TMC1: variants seen among roughly 807,000 people sequenced by gnomAD.
The protein encoded by TMC1 is transmembrane channel-like protein 1.
A neutral mutation model predicts 105.8 loss-of-function variants in TMC1; 84 were observed. The ratio of observed to expected loss-of-function variants is 0.79; its 90% CI spans 0.67 to 0.95. The LOEUF (loss-of-function observed/expected upper bound fraction) is 0.95, where lower values mean the gene tolerates loss of function less well. Ranked by LOEUF, TMC1 falls within the 40% of genes least tolerant of loss-of-function variation. The probability of loss-of-function intolerance (pLI) is 0.00; values close to 1 mark genes in which losing one functional copy is unlikely to be tolerated. For synonymous variants in TMC1, 315 were observed against 311.5 expected (o/e 1.01, Z -0.12); for missense variants, 817 against 914.1 (o/e 0.89, Z 1.37).
chr9:72,693,900 TTA>T (rs1331815589), intron 6 of TMC1, among the ~76,000 whole-genome samples: 28 of 152,240 alleles, frequency 1.8e-4, no homozygotes, highest in African/African-American at 6.5e-4. Context: ...TACATTAAAT[TTA>T]TGTTACCTAT....
chr9:72,543,307 A>G (rs1318409109), intron 1 of TMC1, among the ~76,000 whole-genome samples: 5 of 152,150 alleles, frequency 3.3e-5, no homozygotes, highest in African/African-American at 1.2e-4. Context: ...TTTAGTTCCC[A>G]GATCTATCTC....
intron 1 of TMC1, among the ~76,000 whole-genome samples, chr9:72,559,441 G>GCCCC (rs551389085): frequency 3.4e-4 from 52 of 152,002 alleles, no homozygotes; most frequent in African/African-American, 1.2e-3. Flanking sequence ...AACTTTGTAG[G>GCCCC]CCCCCACCGA....
chr9:72,718,713 G>A (rs753166779), intron 8 of TMC1, among the ~76,000 whole-genome samples: 20 of 152,154 alleles, frequency 1.3e-4, no homozygotes, highest in Non-Finnish European at 5.9e-5. Context: ...TCAAGAGTAC[G>A]TCAGCTGTGG....
At chr9:72,522,026 G>C (rs933487023) in intron 1 of TMC1, 113 bp downstream of exon 1, 1 of 152,176 alleles carries the variant, frequency 6.6e-6, no homozygotes, top group African/African-American at 2.4e-5. Flanking sequence ...AATCACATTA[G>C]TGAAATAAAA....
At chr9:72,738,453 G>C (rs753720519) in intron 8 of TMC1, among the ~76,000 whole-genome samples, 1 of 151,386 alleles carries the variant, frequency 6.6e-6, no homozygotes, top group African/African-American at 2.4e-5. Context: ...ATCTCACTCT[G>C]TTGCCCCAGG....
chr9:72,731,948 C>T (rs1197570265), intron 8 of TMC1, among the ~76,000 whole-genome samples: 1 of 152,072 alleles, frequency 6.6e-6, no homozygotes, highest in African/African-American at 2.4e-5. Flanking sequence ...AGATGGTGCC[C>T]TAAATATTTA....
At chr9:72,562,008 TA>T (rs11367909) in intron 1 of TMC1, among the ~76,000 whole-genome samples, 78,189 of 144,410 alleles carry the variant, frequency 0.54, 21,446 homozygotes, top group African/African-American at 0.72. Context: ...ATCCTATCTC[TA>T]AAAAAAAAAA....
intron 4 of TMC1, among the ~76,000 whole-genome samples, chr9:72,636,887 T>A (rs555113375): frequency 6.6e-6 from 1 of 152,154 alleles, no homozygotes; most frequent in Non-Finnish European, 1.5e-5. Flanking sequence ...ACTTAGAGGC[T>A]TAGATGCTAT....
Position 72,678,427 on chromosome 9 carries a change from T to C in TMC1, c.17-10282T>C, listed in dbSNP as rs574476642. ...ATATGAGTTTCAGAATTCAGACTCA[T>C]GCTTACGGGTTTGAATTCTAGTTCT... On this transcript the variant is annotated intron_variant, in intron 5 of 23. Transcript: ENST00000297784. 2.6e-5 allele frequency among the ~76,000 whole-genome samples: 4 copies of C among 152,250 alleles called. No homozygotes were observed. In the East Asian group the frequency reaches 7.7e-4, roughly 29 times the overall value.
intron 8 of TMC1, among the ~76,000 whole-genome samples, chr9:72,701,991 A>G (rs1826653525): frequency 1.3e-5 from 2 of 152,184 alleles, no homozygotes; most frequent in African/African-American, 4.8e-5. Flanking sequence ...AATTTTGTGT[A>G]TGCATGCTCA....
intron 11 of TMC1, among the ~76,000 whole-genome samples, chr9:72,753,529 C>A (rs556033851): frequency 5.3e-5 from 8 of 152,192 alleles, no homozygotes; most frequent in African/African-American, 1.9e-4. Context: ...GGAGTGCCTA[C>A]GTGTTAGGTT....
chr9:72,661,913 G>T (rs1564474962), intron 5 of TMC1, among the ~76,000 whole-genome samples: 1 of 152,284 alleles, frequency 6.6e-6, no homozygotes, highest in South Asian at 2.1e-4. Flanking sequence ...GTCTACATGG[G>T]GAACCAGATT....
chr9:72,769,394 A>G (rs1264246405), intron 12 of TMC1, among the ~76,000 whole-genome samples: 1 of 152,216 alleles, frequency 6.6e-6, no homozygotes, highest in African/African-American at 2.4e-5. Flanking sequence ...AAAAGAATGT[A>G]GTGTCTTTAT....
At chr9:72,585,450 TG>T (rs1254150674) in intron 2 of TMC1, among the ~76,000 whole-genome samples, 2 of 152,094 alleles carry the variant, frequency 1.3e-5, no homozygotes, top group Non-Finnish European at 2.9e-5. Context: ...GCGCCTGGCC[TG>T]GGTGCCATGT....
chr9:72,832,773 A>G (rs939284238), intron 23 of TMC1, among the ~76,000 whole-genome samples: 2 of 152,164 alleles, frequency 1.3e-5, no homozygotes, highest in African/African-American at 4.8e-5. Flanking sequence ...TACAGTTATC[A>G]GACTAGTTTT....
rs947234535 is a variant in TMC1 at position 72,838,126 on chromosome 9, G to C, written c.*2153G>C. On this transcript the variant is annotated 3_prime_UTR_variant, in exon 24 of 24. Coordinates refer to ENST00000297784, the MANE Select transcript of TMC1 (RefSeq NM_138691.3). Reference sequence around the variant, plus strand: ...TGAATAAATGCTTGCTAATTAAATTGAATCAATTTAACTTACAGCAATTGT... The same window carrying C: ...TGAATAAATGCTTGCTAATTAAATTCAATCAATTTAACTTACAGCAATTGT... The C allele has an allele frequency of 1.3e-5, 2 of 152,164 alleles. No individual in the cohort carries two copies. Among genetic ancestry groups the C allele is most frequent in the African/African-American group, 4.8e-5 (2 of 41,454 alleles). 9.4% of individuals were successfully genotyped at this position (152,164 alleles called of 1,614,324 possible). A position where few individuals can be genotyped will look rare whatever the true frequency, so the allele number is the denominator to read the frequency against.
chr9:72,619,809 TTTAATTAATTAA>T (rs146533760), intron 3 of TMC1, among the ~76,000 whole-genome samples: 3 of 150,976 alleles, frequency 2.0e-5, no homozygotes, highest in Non-Finnish European at 3.0e-5. Context: ...ATTTAACTTA[TTTAATTAATTAA>T]TTAATTAATT....
At chr9:72,763,638 G>C (rs1049845798) in intron 12 of TMC1, among the ~76,000 whole-genome samples, 1 of 152,168 alleles carries the variant, frequency 6.6e-6, no homozygotes. Flanking sequence ...TACAGAGAAC[G>C]TGTGATGATA....
chr9:72,791,402 T>TTAAATTTG (rs1828264442), intron 15 of TMC1, among the ~76,000 whole-genome samples: 2 of 152,332 alleles, frequency 1.3e-5, no homozygotes, highest in African/African-American at 4.8e-5. Flanking sequence ...TTGCCAAAAT[T>TTAAATTTG]CAATATTTAG....
Sources: gnomAD v4.1 joint callset for allele counts (sites outside exome capture counted in the v4.1 genomes callset) on GRCh38, gnomAD v4.1.1 for gene constraint, MANE v1.5 for transcripts, NCBI Gene and HGNC (gene_info 2026-07-23, HGNC 2026-07-21) for gene names.